The following TRMT10B variants were observed in gnomAD, a reference collection of about 807,000 sequenced individuals.
TRMT10B encodes tRNA methyltransferase 10B.
TRMT10B carries 33 observed loss-of-function variants against 43.8 expected under a neutral mutation model. That is an observed-to-expected ratio of 0.75 (90% CI 0.57 to 1.01). TRMT10B has a LOEUF of 1.01. Ranked by LOEUF, TRMT10B falls within the 50% of genes least tolerant of loss-of-function variation. The pLI is 0.00. For missense variants in TRMT10B, 362 were observed against 369.8 expected (o/e 0.98, Z 0.17); for synonymous variants, 137 against 130.6 (o/e 1.05, Z -0.34).
chr9:37,773,978 C>CAAT lies in TRMT10B; in HGVS notation c.721-2294_721-2292dup, dbSNP rs770576598. On this transcript the variant is annotated intron_variant, in intron 7 of 8. Coordinates refer to ENST00000297994, the MANE Select transcript of TRMT10B (RefSeq NM_144964.4). ...CTCTAAAAAAAAAAAAAAAAAACAACAATAATAATAATTAAAAGTTTATTA... is the reference window on the plus strand; with the variant it reads ...CTCTAAAAAAAAAAAAAAAAAACAACAATAATAATAATAATTAAAAGTTTATTA... 1.3e-3 allele frequency among the ~76,000 whole-genome samples: 179 copies of CAAT among 140,876 alleles called. 1 individual carries two copies. The highest frequency in any genetic ancestry group is 3.6e-3 in the Middle Eastern group (1 of 274). The allele number at this position is 140,876 out of a possible 152,430, so 92.4% of individuals were successfully genotyped here.
At chr9:37,773,579 T>C (rs1411894322) in intron 7 of TRMT10B, among the ~76,000 whole-genome samples, 1 of 152,236 alleles carries the variant, frequency 6.6e-6, no homozygotes, top group Non-Finnish European at 1.5e-5. Flanking sequence ...CTCACGCCTA[T>C]AATCCCAGCC....
At chr9:37,756,599 G>A (rs762517993) in intron 1 of TRMT10B, among the ~76,000 whole-genome samples, 3 of 151,832 alleles carry the variant, frequency 2.0e-5, no homozygotes, top group Non-Finnish European at 2.9e-5. Context: ...CCAGCTACTC[G>A]GGAGGCTGAG....
chr9:37,770,620 T>C (rs936321588), intron 6 of TRMT10B, 52 bp from the exon 7 acceptor site: 13 of 1,509,692 alleles, frequency 8.6e-6, no homozygotes, highest in Non-Finnish European at 1.1e-5. Context: ...TTTCTCTGGA[T>C]TTAGAAATTA....
rs533330841 is a variant in TRMT10B at position 37,756,741 on chromosome 9, T to TAC, written c.-30+2901_-30+2902dup. ...TCTCAAAAAGATATATATATATATA[T>TAC]ACACACACACACATATATATATACA... is the stretch of plus-strand genomic sequence containing the variant. On this transcript the variant is annotated intron_variant, in intron 1 of 8. Coordinates refer to ENST00000297994, the MANE Select transcript of TRMT10B (RefSeq NM_144964.4). Among the ~76,000 whole-genome samples, 830 of 149,866 alleles carry TAC rather than the reference T, an allele frequency of 5.5e-3. 10 individuals are homozygous for TAC. The highest frequency in any genetic ancestry group is 0.017 in the African/African-American group (683 of 40,478).
At chr9:37,756,562 G>A (rs904443436) in intron 1 of TRMT10B, among the ~76,000 whole-genome samples, 5 of 151,674 alleles carry the variant, frequency 3.3e-5, no homozygotes, top group African/African-American at 1.2e-4. Flanking sequence ...AAAAATTAGC[G>A]TGGTGTGGTG....
intron 1 of TRMT10B, among the ~76,000 whole-genome samples, chr9:37,761,136 T>G: frequency 6.6e-6 from 1 of 152,228 alleles, no homozygotes; most frequent in East Asian, 1.9e-4. Context: ...CACTCTACTA[T>G]ATACATTGGT....
At chr9:37,761,786 G>C (rs1193036630) in intron 1 of TRMT10B, 117 bp from the exon 2 acceptor site, 2 of 682,882 alleles carry the variant, frequency 2.9e-6, no homozygotes, top group East Asian at 5.5e-5. Flanking sequence ...AGTAAATCTG[G>C]TTCAGTATTT....
At chr9:37,753,382 A>G (rs780110826), upstream of TRMT10B, among the ~76,000 whole-genome samples, 3 of 152,014 alleles carry the variant, frequency 2.0e-5, no homozygotes, top group Non-Finnish European at 2.9e-5. Context: ...ATATAATATC[A>G]GTGCATGTCC....
intron 7 of TRMT10B, among the ~76,000 whole-genome samples, chr9:37,772,633 G>C (rs1329064428): frequency 6.6e-6 from 1 of 151,944 alleles, no homozygotes; most frequent in Non-Finnish European, 1.5e-5. Flanking sequence ...TCAGAATGTG[G>C]GACATTCTGC....
intron 6 of TRMT10B, 56 bp downstream of exon 6, chr9:37,770,075 C>A: frequency 1.4e-6 from 2 of 1,471,324 alleles, no homozygotes; most frequent in South Asian, 2.3e-5. Context: ...TTTCATTATT[C>A]CCTGTGGCAG....
At chr9:37,777,459 C>A (rs779072260) in intron 8 of TRMT10B, 142 bp from the exon 9 acceptor site, 30 of 631,972 alleles carry the variant, frequency 4.7e-5, no homozygotes, top group Non-Finnish European at 7.7e-5. Context: ...GAGCCTGTGT[C>A]CTTGCCTCTC....
At chr9:37,756,816 A>G (rs547861813) in intron 1 of TRMT10B, among the ~76,000 whole-genome samples, 2,191 of 142,278 alleles carry the variant, frequency 0.015, 26 homozygotes, top group Middle Eastern at 0.038. Flanking sequence ...ATATGTGTGC[A>G]TATGTGTGTA....
chr9:37,759,404 G>A (rs773548291), intron 1 of TRMT10B, among the ~76,000 whole-genome samples: 1 of 152,230 alleles, frequency 6.6e-6, no homozygotes, highest in Non-Finnish European at 1.5e-5. Context: ...CTATTTATAT[G>A]AAGTTGTATA....
At chr9:37,756,739 T>TAC (rs1489413599) in intron 1 of TRMT10B, among the ~76,000 whole-genome samples, 13 of 150,838 alleles carry the variant, frequency 8.6e-5, no homozygotes, top group African/African-American at 3.2e-4. Flanking sequence ...TATATATATA[T>TAC]ATACACACAC....
rs1214968521 is a variant in TRMT10B, at chr9:37,768,357, C to T, written c.573+129C>T. On this transcript the variant is annotated intron_variant, in intron 5 of 8. Transcript: ENST00000297994. ...AAGTCTAAAAAAATTCAGAACCTCT[C>T]ATAAGTTCTTAAATTTAAAATTTTT... 10 of 1,057,074 alleles carry T rather than the reference C, an allele frequency of 9.5e-6. No individual in the cohort carries two copies. In the South Asian group the frequency reaches 1.7e-4, roughly 18 times the overall value. The allele number at this position is 1,057,074 out of a possible 1,614,324, so 65.5% of individuals were successfully genotyped here. A position where few individuals can be genotyped will look rare whatever the true frequency, so the allele number is the denominator to read the frequency against.
rs779536698 is a variant in TRMT10B at position 37,763,714 on chromosome 9, ATG to A, written c.383_384del (p.Cys128TyrfsTer16). On this transcript the variant is annotated frameshift_variant, in exon 4 of 9. Coordinates refer to ENST00000297994, the MANE Select transcript of TRMT10B (RefSeq NM_144964.4). LOFTEE classifies it high-confidence loss of function. ...LEAKHSGPRL[C>X]IDLSMTHYMS... ...AAGCCAAACACTCAGGACCAAGACTATGTATCGATTTGAGTATGACCCACTAC... is the reference window on the plus strand; with the variant it reads ...AAGCCAAACACTCAGGACCAAGACTATATCGATTTGAGTATGACCCACTAC... 1.2e-6 allele frequency: 2 copies of A among 1,614,006 alleles called. No individual in the cohort carries two copies. Among genetic ancestry groups the A allele is most frequent in the African/African-American group, 2.7e-5 (2 of 74,926 alleles).
Position 37,769,964 on chromosome 9 carries a change from CTTTAGT to C in TRMT10B, c.600_605del (p.Phe200_Ser201del), listed in dbSNP as rs756168038. ...AGTTAGACATAACAGAAGAAGACTG[CTTTAGT>C]TTATTTCCCTTGGAAACCCTTGTGT... On this transcript the variant is annotated inframe_deletion, in exon 6 of 9. Transcript: ENST00000297994. 30 of 1,614,114 alleles carry C rather than the reference CTTTAGT, an allele frequency of 1.9e-5. No homozygotes were observed. In the East Asian group the frequency reaches 6.5e-4, roughly 35 times the overall value.
At chr9:37,755,352 C>T (rs1436917350) in intron 1 of TRMT10B, among the ~76,000 whole-genome samples, 2 of 148,734 alleles carry the variant, frequency 1.3e-5, no homozygotes, top group East Asian at 3.9e-4. Context: ...GATGGTGGCA[C>T]ACAATGTGGA....
chr9:37,753,764 T>TCGGAGCGGAGTTA (rs1825231049), upstream of TRMT10B: 1 of 152,024 alleles, frequency 6.6e-6, no homozygotes, highest in Non-Finnish European at 1.5e-5. Flanking sequence ...AGAATGCCAT[T>TCGGAGCGGAGTTA]CGGAGCGGAG....
Sources: gnomAD v4.1 joint callset for allele counts (sites outside exome capture counted in the v4.1 genomes callset) on GRCh38, gnomAD v4.1.1 for gene constraint, MANE v1.5 for transcripts, NCBI Gene and HGNC (gene_info 2026-07-23, HGNC 2026-07-21) for gene names.